PDE4D: variants seen among roughly 807,000 people sequenced by gnomAD.
PDE4D encodes phosphodiesterase 4D, also known as 3',5'-cyclic-AMP phosphodiesterase 4D.
Under a neutral mutation model 87.4 loss-of-function variants are expected in PDE4D, and 24 were observed. The observed-to-expected ratio is 0.27, with a 90% CI of 0.20 to 0.39. PDE4D has a LOEUF of 0.39. PDE4D is among the 10% of genes least tolerant of loss of function. The pLI is 1.00. For synonymous variants in PDE4D, 384 were observed against 383.2 expected (o/e 1.00, Z -0.02); for missense variants, 714 against 1,041.0 (o/e 0.69, Z 4.32).
At chr5:59,398,135 A>G (rs1378715291) in intron 1 of PDE4D, among the ~76,000 whole-genome samples, 130 of 146,424 alleles carry the variant, frequency 8.9e-4, no homozygotes, top group Non-Finnish European at 1.6e-3. Flanking sequence ...ATTCACAGCC[A>G]AATTCTACCA....
intron 2 of PDE4D, among the ~76,000 whole-genome samples, chr5:59,213,843 T>C (rs1174774817): frequency 6.6e-6 from 1 of 152,108 alleles, no homozygotes; most frequent in Non-Finnish European, 1.5e-5. Flanking sequence ...ACTGTTGTCT[T>C]GTTTCCCCTA....
chr5:59,813,492 C>A (rs559259768), intron 1 of PDE4D, among the ~76,000 whole-genome samples: 5 of 151,372 alleles, frequency 3.3e-5, no homozygotes, highest in African/African-American at 1.2e-4. Context: ...ATATGCCTGT[C>A]ATTGGTTACC....
At chr5:60,136,146 G>A (rs1298070921) in intron 2 of PDE4D, among the ~76,000 whole-genome samples, 2 of 152,046 alleles carry the variant, frequency 1.3e-5, no homozygotes. Flanking sequence ...AAGATTTTTA[G>A]ATAGACTTAT....
chr5:60,035,243 G>A (rs543498251), intron 2 of PDE4D, among the ~76,000 whole-genome samples: 28 of 139,648 alleles, frequency 2.0e-4, no homozygotes, highest in East Asian at 1.1e-3. Flanking sequence ...GCAACAGAGC[G>A]AGACTCCGTC....
rs149526448 is a variant in PDE4D, at chr5:59,489,852, A to C, written c.456-273884T>G. 2.5e-3 allele frequency among the ~76,000 whole-genome samples: 375 copies of C among 152,260 alleles called. 1 individual carries two copies. The highest frequency in any genetic ancestry group is 8.6e-3 in the African/African-American group (357 of 41,558). ...TTTCTTTATATTTTAATAACCTACCAGTTTTCTATAGAGCACATCTTTCTC... is the reference window on the plus strand; with the variant it reads ...TTTCTTTATATTTTAATAACCTACCCGTTTTCTATAGAGCACATCTTTCTC... On this transcript the variant is annotated intron_variant, in intron 1 of 14. Coordinates refer to ENST00000340635, the MANE Select transcript of PDE4D (RefSeq NM_001104631.2).
At chr5:59,771,935 C>A (rs1763628010) in intron 1 of PDE4D, among the ~76,000 whole-genome samples, 1 of 152,178 alleles carries the variant, frequency 6.6e-6, no homozygotes, top group Admixed American at 6.5e-5. Context: ...AGTTTCTTTA[C>A]AGGTCCCCAT....
chr5:60,183,955 T>G (rs544020405), intron 2 of PDE4D, among the ~76,000 whole-genome samples: 5 of 152,316 alleles, frequency 3.3e-5, no homozygotes, highest in South Asian at 4.1e-4. Context: ...TTTATGCCAG[T>G]GGATTCTCAA....
chr5:59,759,610 C>T (rs915874633), intron 1 of PDE4D, among the ~76,000 whole-genome samples: 2 of 152,120 alleles, frequency 1.3e-5, no homozygotes, highest in Admixed American at 1.3e-4. Context: ...CGTGGAAAGC[C>T]AACTATGCCT....
intron 2 of PDE4D, among the ~76,000 whole-genome samples, chr5:60,105,187 G>A (rs1405552048): frequency 1.3e-5 from 2 of 152,212 alleles, no homozygotes; most frequent in African/African-American, 4.8e-5. Flanking sequence ...GGAGCTGAAA[G>A]CCAAGGCTTG....
chr5:59,380,929 A>T (rs1045077275), intron 1 of PDE4D, among the ~76,000 whole-genome samples: 2 of 152,120 alleles, frequency 1.3e-5, no homozygotes. Context: ...TTCATTACAG[A>T]TTGTCTACAG....
At chr5:59,317,828 G>A (rs570152105) in intron 1 of PDE4D, among the ~76,000 whole-genome samples, 2 of 152,268 alleles carry the variant, frequency 1.3e-5, no homozygotes, top group African/African-American at 4.8e-5. Flanking sequence ...TCTCAGAGCT[G>A]AGAGTGGACT....
At chr5:59,600,887 C>G (rs1827409147) in intron 1 of PDE4D, among the ~76,000 whole-genome samples, 2 of 152,158 alleles carry the variant, frequency 1.3e-5, no homozygotes, top group East Asian at 3.9e-4. Flanking sequence ...AGGCTTGGAT[C>G]TCTAGAGTTC....
Position 58,977,362 on chromosome 5 carries a change from A to G in PDE4D, c.1553-17T>C. On this transcript the variant is annotated splice_polypyrimidine_tract_variant and intron_variant, in intron 11 of 14. Coordinates refer to ENST00000340635, the MANE Select transcript of PDE4D (RefSeq NM_001104631.2). ...GTTCAGAGTCTGTAAAAAAGACAAA[A>G]GGCCAAAGATCAGCAAAACTGTTTG... The G allele has an allele frequency of 6.3e-7, 1 of 1,595,496 alleles. No individual in the cohort carries two copies. Among genetic ancestry groups the G allele is most frequent in the Non-Finnish European group, 8.5e-7 (1 of 1,175,512 alleles).
intron 5 of PDE4D, among the ~76,000 whole-genome samples, chr5:59,171,234 C>T (rs1581175253): frequency 6.6e-6 from 1 of 152,214 alleles, no homozygotes; most frequent in South Asian, 2.1e-4. Context: ...AATCAACCCC[C>T]AAGTCCCTTC....
At chr5:59,862,787 G>C (rs1394669615) in intron 1 of PDE4D, among the ~76,000 whole-genome samples, 2 of 152,056 alleles carry the variant, frequency 1.3e-5, no homozygotes, top group Non-Finnish European at 2.9e-5. Context: ...TTCCTTATCT[G>C]TAATATAAGA....
At chr5:59,461,673 T>C (rs1800805072) in intron 1 of PDE4D, among the ~76,000 whole-genome samples, 1 of 152,300 alleles carries the variant, frequency 6.6e-6, no homozygotes, top group South Asian at 2.1e-4. Flanking sequence ...TCAGTCAAAA[T>C]GTTGTAATTG....
At chr5:59,477,668 G>A (rs957032042) in intron 1 of PDE4D, among the ~76,000 whole-genome samples, 14 of 151,950 alleles carry the variant, frequency 9.2e-5, no homozygotes, top group African/African-American at 2.7e-4. Flanking sequence ...TAAAACAGAG[G>A]TACCATTCAA....
At chr5:59,225,099 C>T (rs938143458) in intron 1 of PDE4D, among the ~76,000 whole-genome samples, 12 of 152,176 alleles carry the variant, frequency 7.9e-5, no homozygotes, top group African/African-American at 2.7e-4. Flanking sequence ...AGACCAATGC[C>T]ATGAAATTTT....
intron 2 of PDE4D, among the ~76,000 whole-genome samples, chr5:60,029,517 A>T (rs1026465687): frequency 6.6e-6 from 1 of 152,088 alleles, no homozygotes; most frequent in East Asian, 1.9e-4. Flanking sequence ...TTGATGTCTC[A>T]TGTCTCTCTA....
Sources: allele counts gnomAD v4.1 joint callset (sites outside exome capture counted in the v4.1 genomes callset), GRCh38; gene constraint gnomAD v4.1.1; transcripts MANE v1.5; gene names NCBI Gene and HGNC (gene_info 2026-07-23, HGNC 2026-07-21).